The following FAM81A variants were observed in gnomAD, a reference collection of about 807,000 sequenced individuals.
FAM81A encodes family with sequence similarity 81 member A.
A neutral mutation model predicts 46.7 loss-of-function variants in FAM81A; 19 were observed. That is an observed-to-expected ratio of 0.41 (90% confidence interval 0.28 to 0.60). The LOEUF (loss-of-function observed/expected upper bound fraction) is 0.60. Ranked by LOEUF, FAM81A falls within the 20% of genes least tolerant of loss-of-function variation. The probability of loss-of-function intolerance (pLI) is 0.34; values close to 1 mark genes in which losing one functional copy is unlikely to be tolerated. For missense variants in FAM81A, 377 were observed against 453.5 expected (o/e 0.83, Z 1.53); for synonymous variants, 183 against 152.9 (o/e 1.20, Z -1.45).
chr15:59,522,586 T>TCATTGAAAATTGGCCCCAGTG lies in FAM81A; in HGVS notation c.*1210_*1230dup, dbSNP rs1294343621. On this transcript the variant is annotated 3_prime_UTR_variant, in exon 9 of 9. Transcript: ENST00000288228. Reference sequence around the variant, plus strand: ...ATTTTCAATCGCCATATTTGATCAGTCATTGAAAATTGGCCCCAGTGCTGT... The same window carrying TCATTGAAAATTGGCCCCAGTG: ...ATTTTCAATCGCCATATTTGATCAGTCATTGAAAATTGGCCCCAGTGCATTGAAAATTGGCCCCAGTGCTGT... 1 of 152,350 alleles carries TCATTGAAAATTGGCCCCAGTG rather than the reference T, an allele frequency of 6.6e-6. No homozygotes were observed. The highest frequency in any genetic ancestry group is 2.4e-5 in the African/African-American group (1 of 41,448). 9.4% of individuals were successfully genotyped at this position (152,350 alleles called of 1,614,324 possible).
intron 2 of FAM81A, among the ~76,000 whole-genome samples, chr15:59,418,841 A>G (rs1463119025): frequency 6.6e-6 from 1 of 152,218 alleles, no homozygotes; most frequent in East Asian, 1.9e-4. Flanking sequence ...TCCTCCTCAC[A>G]GAACTGCTGT....
At chr15:59,461,289 TCTTTC>T (rs1195127895) in intron 3 of FAM81A, among the ~76,000 whole-genome samples, 7 of 152,118 alleles carry the variant, frequency 4.6e-5, no homozygotes, top group African/African-American at 1.7e-4. Flanking sequence ...CTGGCTTCTT[TCTTTC>T]CTTTTCTTTC....
intron 4 of FAM81A, among the ~76,000 whole-genome samples, chr15:59,506,151 T>C (rs1421918886): frequency 6.7e-6 from 1 of 149,550 alleles, no homozygotes; most frequent in Non-Finnish European, 1.5e-5. Flanking sequence ...GATTTTTTTG[T>C]TTGTTTGTTT....
chr15:59,489,668 A>G (rs1338765424), intron 3 of FAM81A, among the ~76,000 whole-genome samples: 2 of 152,240 alleles, frequency 1.3e-5, no homozygotes, highest in Admixed American at 6.5e-5. Flanking sequence ...CTACAGAGCT[A>G]CAGTAACCAA....
chr15:59,510,087 TG>T (rs2082189251), intron 6 of FAM81A, among the ~76,000 whole-genome samples: 1 of 152,028 alleles, frequency 6.6e-6, no homozygotes, highest in African/African-American at 2.4e-5. Context: ...AAATACATGG[TG>T]GGTGCAGTGG....
At chr15:59,475,937 C>T (rs1270413201) in intron 3 of FAM81A, among the ~76,000 whole-genome samples, 1 of 152,138 alleles carries the variant, frequency 6.6e-6, no homozygotes, top group Non-Finnish European at 1.5e-5. Context: ...GACAAATTAC[C>T]ATAGACTGGG....
intron 4 of FAM81A, among the ~76,000 whole-genome samples, chr15:59,505,092 C>T (rs1328656638): frequency 2.0e-5 from 3 of 152,190 alleles, no homozygotes; most frequent in Non-Finnish European, 4.4e-5. Context: ...TAACATCCCT[C>T]TATTTGACTT....
chr15:59,448,824 A>T (rs72749156), intron 1 of FAM81A, among the ~76,000 whole-genome samples: 1 of 151,864 alleles, frequency 6.6e-6, no homozygotes, highest in Non-Finnish European at 1.5e-5. Context: ...TGGCTAATTT[A>T]TTTTTTATTG....
At chr15:59,399,868 G>C (rs2081062685) in intron 1 of FAM81A, among the ~76,000 whole-genome samples, 1 of 152,106 alleles carries the variant, frequency 6.6e-6, no homozygotes, top group South Asian at 2.1e-4. Context: ...GTATGCCATA[G>C]CCTTGTTAAG....
intron 1 of FAM81A, among the ~76,000 whole-genome samples, chr15:59,455,895 G>A (rs2081477651): frequency 6.6e-6 from 1 of 152,144 alleles, no homozygotes; most frequent in Non-Finnish European, 1.5e-5. Flanking sequence ...AAAGTATATT[G>A]TCTTATATCT....
chr15:59,505,721 T>A (rs890677608), intron 4 of FAM81A, among the ~76,000 whole-genome samples: 2 of 152,162 alleles, frequency 1.3e-5, no homozygotes, highest in Non-Finnish European at 2.9e-5. Flanking sequence ...ACTCTCACTG[T>A]CAGAATCTAA....
chr15:59,452,509 T>C (rs1198106315), intron 1 of FAM81A, among the ~76,000 whole-genome samples: 3 of 152,164 alleles, frequency 2.0e-5, no homozygotes, highest in African/African-American at 7.2e-5. Context: ...TAGCCACGTA[T>C]GGTGGTAAGT....
intron 2 of FAM81A, among the ~76,000 whole-genome samples, chr15:59,413,870 C>T (rs530016252): frequency 2.0e-5 from 3 of 152,294 alleles, no homozygotes; most frequent in East Asian, 1.9e-4. Context: ...TCTTATCATC[C>T]TTGAGAAGGG....
At chr15:59,452,903 C>A (rs2081436450) in intron 1 of FAM81A, among the ~76,000 whole-genome samples, 1 of 152,082 alleles carries the variant, frequency 6.6e-6, no homozygotes, top group Non-Finnish European at 1.5e-5. Flanking sequence ...GCTGGGACTG[C>A]AGGCATACAC....
intron 6 of FAM81A, 130 bp from the exon 7 acceptor site, chr15:59,514,159 A>T (rs1169721569): frequency 1.0e-6 from 1 of 961,366 alleles, no homozygotes; most frequent in Non-Finnish European, 1.5e-6. Context: ...TGACAGATGC[A>T]GCAAACCACC....
rs115716954 is a variant in FAM81A at position 59,460,053 on chromosome 15, C to A, written c.141C>A (p.Leu47=). The A allele has an allele frequency of 1.9e-6, 3 of 1,613,918 alleles. No homozygotes were observed. The highest frequency in any genetic ancestry group is 2.5e-6 in the Non-Finnish European group (3 of 1,179,896). Residue 47 remains leucine, a synonymous_variant, in exon 3 of 9, where the codon CTC becomes CTA. Coordinates refer to ENST00000288228, the MANE Select transcript of FAM81A (RefSeq NM_152450.3). This position sits in a 1 kb window ranked among gnomAD's most constrained non-coding sequence, Gnocchi z 4.4. ...ILCHEKTTAA[L]VEHAFRIKDD... ...GCCATGAGAAAACCACCGCCGCCCT[C>A]GTAGAGCACGCCTTTCGGATTAAAG...
At chr15:59,462,110 G>A (rs2081558746) in intron 3 of FAM81A, among the ~76,000 whole-genome samples, 1 of 151,808 alleles carries the variant, frequency 6.6e-6, no homozygotes, top group South Asian at 2.1e-4. Context: ...GGTTGAGGCA[G>A]GAGAATGGCG....
rs1160604644 is a variant in FAM81A, at chr15:59,450,541, A to G, written c.-77-8009A>G. Among the ~76,000 whole-genome samples, 3 of 152,118 alleles carry G rather than the reference A, an allele frequency of 2.0e-5. 1 individual carries two copies. The highest frequency in any genetic ancestry group is 2.0e-4 in the Admixed American group (3 of 15,268). On this transcript the variant is annotated intron_variant, in intron 1 of 8. Transcript: ENST00000288228. ...CCATCTTGTGCTCCTGTTGTTCCAT[A>G]TATATTCTTGTCAATACTTGATCTT...
intron 6 of FAM81A, among the ~76,000 whole-genome samples, chr15:59,511,728 T>C (rs1376027017): frequency 6.6e-6 from 1 of 152,220 alleles, no homozygotes; most frequent in African/African-American, 2.4e-5. Context: ...CTCGGCTCAC[T>C]GCAACCTCCA....
Sources: gnomAD v4.1 joint callset for allele counts (sites outside exome capture counted in the v4.1 genomes callset) on GRCh38, gnomAD v4.1.1 for gene constraint, Gnocchi (gnomAD v3.1) non-coding constraint, MANE v1.5 for transcripts, NCBI Gene and HGNC (gene_info 2026-07-23, HGNC 2026-07-21) for gene names.